The following ADGRF3 variants were observed in gnomAD, a reference collection of about 807,000 sequenced individuals.
The protein encoded by ADGRF3 is adhesion G protein-coupled receptor F3.
In ADGRF3, 85 loss-of-function variants were observed where a neutral mutation model predicts 93.2. The observed-to-expected ratio is 0.91, with a 90% CI of 0.77 to 1.09. ADGRF3 has a LOEUF of 1.09. ADGRF3 is among the 50% of genes least tolerant of loss of function. The pLI is 0.00. For missense variants in ADGRF3, 1,125 were observed against 1,246.2 expected (o/e 0.90, Z 1.46); for synonymous variants, 534 against 532.5 (o/e 1.00, Z -0.04).
At position 26,312,085 on chromosome 2, in the gene ADGRF3, C is replaced by A; in HGVS notation, c.1450-11G>T. 1 of 1,594,804 alleles carries A rather than the reference C, an allele frequency of 6.3e-7. No individual in the cohort carries two copies. The highest frequency in any genetic ancestry group is 8.5e-7 in the Non-Finnish European group (1 of 1,172,922). ...GGCAATCAGGAGATTCTGCAGCACC[C>A]AAAAGAAAGATGAACCCCGTCTGCT... On this transcript the variant is annotated splice_polypyrimidine_tract_variant and intron_variant, in intron 9 of 13. Coordinates refer to ENST00000651242, the MANE Select transcript of ADGRF3 (RefSeq NM_001321971.2).
intron 1 of ADGRF3, among the ~76,000 whole-genome samples, chr2:26,326,259 C>A (rs11689086): frequency 1.3e-5 from 2 of 151,970 alleles, no homozygotes; most frequent in Non-Finnish European, 2.9e-5. Flanking sequence ...CTTCAAAAGA[C>A]GGGGCACCCA....
chr2:26,320,672 T>C (rs1322654799), intron 1 of ADGRF3, among the ~76,000 whole-genome samples: 4 of 152,134 alleles, frequency 2.6e-5, no homozygotes, highest in African/African-American at 9.7e-5. Context: ...TGTAAAAACA[T>C]GTACATAAGA....
chr2:26,323,808 TA>T (rs1478165663), intron 1 of ADGRF3, among the ~76,000 whole-genome samples: 1 of 151,770 alleles, frequency 6.6e-6, no homozygotes, highest in African/African-American at 2.4e-5. Flanking sequence ...TTTGTATTTT[TA>T]GTAGAGACGG....
chr2:26,313,254 C>T (rs1674350752), intron 8 of ADGRF3, 123 bp downstream of exon 8: 24 of 1,426,372 alleles, frequency 1.7e-5, no homozygotes, highest in Non-Finnish European at 2.0e-5. Flanking sequence ...GCTAGGGCTC[C>T]ACTTCAGAGA....
intron 1 of ADGRF3, among the ~76,000 whole-genome samples, chr2:26,333,344 T>C (rs759710883): frequency 2.0e-4 from 4 of 20,134 alleles, no homozygotes; most frequent in Non-Finnish European, 4.7e-4. Context: ...TGGGTCACAA[T>C]TGCTGAACAT....
intron 1 of ADGRF3, among the ~76,000 whole-genome samples, chr2:26,320,972 T>C (rs775821912): frequency 2.0e-5 from 3 of 152,184 alleles, no homozygotes; most frequent in Non-Finnish European, 4.4e-5. Flanking sequence ...CATCAGAAAT[T>C]TGACAATAGT....
intron 2 of ADGRF3, 60 bp downstream of exon 2, chr2:26,317,436 C>T (rs1256698631): frequency 6.7e-7 from 1 of 1,495,624 alleles, no homozygotes; most frequent in East Asian, 2.5e-5. Context: ...TCCTGGGTTT[C>T]CACCTCATTC....
chr2:26,326,159 T>G (rs1344438241), intron 1 of ADGRF3, among the ~76,000 whole-genome samples: 2 of 152,204 alleles, frequency 1.3e-5, no homozygotes, highest in Non-Finnish European at 2.9e-5. Flanking sequence ...TCGAACTGAA[T>G]TCACTAACTC....
chr2:26,311,675 C>T lies in ADGRF3; in HGVS notation c.1849G>A (p.Val617Ile). 2 of 1,613,484 alleles carry T rather than the reference C, an allele frequency of 1.2e-6. No homozygotes were observed. Among genetic ancestry groups the T allele is most frequent in the South Asian group, 1.1e-5 (1 of 91,068 alleles). The change falls in exon 10 of 14, where the codon GTC becomes ATC. Residue 617 changes from valine (V) to isoleucine (I), a missense_variant. By Grantham distance (29) the Val-to-Ile change is conservative (BLOSUM62 3). Transcript: ENST00000651242. Reference sequence around the variant, plus strand: ...CCTGCCATGATGGAAATGACAAGGACCAGGCCAGGAGTGGCATAGAGGGAA... The same window carrying T: ...CCTGCCATGATGGAAATGACAAGGATCAGGCCAGGAGTGGCATAGAGGGAA... The part of the protein sequence containing the change: ...GDSLYATPGL[V>I]LVISIMAGDR...
intron 1 of ADGRF3, chr2:26,318,010 C>G (rs1162194060): frequency 1.9e-6 from 3 of 1,547,494 alleles, no homozygotes; most frequent in Non-Finnish European, 2.6e-6. Context: ...TATTTCCTCA[C>G]CAACTCCTCC....
intron 1 of ADGRF3, chr2:26,318,900 C>T (rs1467287254): frequency 6.4e-7 from 1 of 1,550,752 alleles, no homozygotes. Flanking sequence ...CTTTGTCTCT[C>T]CCAATCAGGG....
At position 26,317,526 on chromosome 2, in the gene ADGRF3, G is replaced by A; in HGVS notation, c.151C>T (p.Gln51Ter). 1.9e-6 allele frequency: 3 copies of A among 1,589,326 alleles called. No homozygotes were observed. The highest frequency in any genetic ancestry group is 2.6e-6 in the Non-Finnish European group (3 of 1,168,206). The change falls in exon 2 of 14, where the codon CAG becomes TAG. Residue 51 changes from glutamine (Q) to a stop codon, truncating the protein, a stop_gained. Transcript: ENST00000651242. LOFTEE classifies it high-confidence loss of function. ...SQAGGESGSG[Q>*]LLDQENGAGE... ...GCTCCATTCTCTTGGTCCAGGAGCT[G>A]CCCAGATCCAGATTCCCCTCCAGCC...
At position 26,313,879 on chromosome 2, in the gene ADGRF3, G is replaced by T. The variant is rs758356786; in HGVS notation, c.953C>A (p.Ser318Tyr). The T allele has an allele frequency of 6.2e-7, 1 of 1,614,050 alleles. No individual in the cohort carries two copies. The highest frequency in any genetic ancestry group is 1.3e-5 in the African/African-American group (1 of 75,064). The change falls in exon 7 of 14, where the codon TCT (serine) becomes TAT (tyrosine). Residue 318 changes from serine to tyrosine, a missense_variant. Coordinates refer to ENST00000651242, the MANE Select transcript of ADGRF3 (RefSeq NM_001321971.2). The stretch of plus-strand genomic sequence containing the variant: ...CTGAACAGCCAGCACAAAGCACTGA[G>T]AGCCTGACTCGTTGAAGGAGGAAGC... ...SKASSFNESGSQCFVLAVQRC... is the reference protein window; with the variant it reads ...SKASSFNESGYQCFVLAVQRC...
At chr2:26,309,500 T>C in intron 13 of ADGRF3, 26 bp downstream of exon 13, 1 of 1,607,750 alleles carries the variant, frequency 6.2e-7, no homozygotes, top group South Asian at 1.1e-5. Context: ...CTGCTTACGC[T>C]GCCCCTGAGA....
intron 1 of ADGRF3, among the ~76,000 whole-genome samples, chr2:26,331,107 G>T (rs556275724): frequency 1.9e-4 from 29 of 152,126 alleles, no homozygotes; most frequent in African/African-American, 6.8e-4. Context: ...CTAAACAAAA[G>T]AAATTCTCTG....
chr2:26,328,291 G>A (rs1321343768), intron 1 of ADGRF3, among the ~76,000 whole-genome samples: 2 of 152,052 alleles, frequency 1.3e-5, no homozygotes, highest in Admixed American at 6.6e-5. Context: ...GTTATGATGT[G>A]TTTAAGGTGG....
rs533165332 is a variant in ADGRF3, at chr2:26,310,122, T to C, written c.2875-17A>G. The C allele has an allele frequency of 6.2e-7, 1 of 1,613,992 alleles. No individual in the cohort carries two copies. The stretch of plus-strand genomic sequence containing the variant: ...TTCTTGTATCTGCGGGAGAGGTAAA[T>C]GCTCTGCTTATGCCAGCCACGGCCC... On this transcript the variant is annotated splice_polypyrimidine_tract_variant and intron_variant, in intron 11 of 13. Coordinates refer to ENST00000651242, the MANE Select transcript of ADGRF3 (RefSeq NM_001321971.2).
At chr2:26,309,381 C>G in intron 13 of ADGRF3, 145 bp downstream of exon 13, 1 of 1,499,524 alleles carries the variant, frequency 6.7e-7, no homozygotes, top group Non-Finnish European at 8.9e-7. Context: ...CAATGGCTAC[C>G]CTAGAAAAAC....
intron 1 of ADGRF3, among the ~76,000 whole-genome samples, chr2:26,325,807 A>T (rs1362026561): frequency 6.6e-6 from 1 of 152,230 alleles, no homozygotes; most frequent in East Asian, 1.9e-4. Flanking sequence ...TCTGTTAGGT[A>T]CCATTCCCCA....
Sources: gnomAD v4.1 joint callset for allele counts (sites outside exome capture counted in the v4.1 genomes callset) on GRCh38, gnomAD v4.1.1 for gene constraint, MANE v1.5 for transcripts, NCBI Gene and HGNC (gene_info 2026-07-23, HGNC 2026-07-21) for gene names.